Variants in CCSER1 observed in about 807,000 individuals in gnomAD.
CCSER1 encodes coiled-coil serine rich protein 1.
CCSER1 carries 41 observed loss-of-function variants against 82.0 expected under a neutral mutation model. The ratio of observed to expected loss-of-function variants is 0.50; its 90% CI spans 0.39 to 0.65. CCSER1 has a LOEUF of 0.65. Among genes scored for constraint, CCSER1 ranks in the 30% least tolerant of loss-of-function variants. The pLI is 0.00. For synonymous variants in CCSER1, 414 were observed against 383.9 expected (o/e 1.08, Z -0.92); for missense variants, 1,119 against 1,064.2 (o/e 1.05, Z -0.72).
intron 7 of CCSER1, among the ~76,000 whole-genome samples, chr4:90,731,318 G>A (rs1049799342): frequency 6.6e-6 from 1 of 152,070 alleles, no homozygotes; most frequent in African/African-American, 2.4e-5. Context: ...TATTTGTTTG[G>A]TTGGCTTAAT....
In CCSER1 at chr4:90,805,643, A is replaced by C. The variant is rs1186074531; in HGVS notation, c.2011-10119A>C. ...TTTATAGCTGTCTTTAATCTACCAC[A>C]CTGAGTTCCATATTTATGGATAATT... On this transcript the variant is annotated intron_variant, in intron 7 of 10. Coordinates refer to ENST00000509176, the MANE Select transcript of CCSER1 (RefSeq NM_001145065.2). 3.3e-5 allele frequency among the ~76,000 whole-genome samples: 5 copies of C among 152,178 alleles called. No homozygotes were observed. In the East Asian group the frequency reaches 9.6e-4, roughly 29 times the overall value.
chr4:90,939,598 CCA>C (rs1731357716), intron 9 of CCSER1, among the ~76,000 whole-genome samples: 1 of 151,978 alleles, frequency 6.6e-6, no homozygotes, highest in South Asian at 2.1e-4. Flanking sequence ...TGCCATAGAG[CCA>C]AGAAGAAGAA....
intron 1 of CCSER1, among the ~76,000 whole-genome samples, chr4:90,216,544 G>A (rs1578542964): frequency 6.6e-6 from 1 of 152,246 alleles, no homozygotes; most frequent in East Asian, 1.9e-4. Context: ...TTATAAAAGA[G>A]ATTTCCATTG....
chr4:91,101,295 G>A (rs976145629), intron 10 of CCSER1, among the ~76,000 whole-genome samples: 1 of 152,180 alleles, frequency 6.6e-6, no homozygotes, highest in Admixed American at 6.5e-5. Context: ...AATTTAAATT[G>A]TACCTGGTAG....
At chr4:90,657,567 G>GT (rs1184817986) in intron 6 of CCSER1, among the ~76,000 whole-genome samples, 1 of 151,576 alleles carries the variant, frequency 6.6e-6, no homozygotes, top group Non-Finnish European at 1.5e-5. Flanking sequence ...TATTTTTGTT[G>GT]TTTTTTGTTT....
intron 5 of CCSER1, among the ~76,000 whole-genome samples, chr4:90,608,257 G>A (rs1784994914): frequency 6.6e-6 from 1 of 152,118 alleles, no homozygotes; most frequent in Non-Finnish European, 1.5e-5. Context: ...AGGCCACGGT[G>A]TTATCTGAGG....
At chr4:90,978,795 T>G (rs1055154145) in intron 9 of CCSER1, among the ~76,000 whole-genome samples, 32 of 151,904 alleles carry the variant, frequency 2.1e-4, no homozygotes, top group African/African-American at 7.5e-4. Flanking sequence ...TGATGGGAAT[T>G]GTTTATGTGA....
chr4:90,550,284 T>C (rs547800852), intron 5 of CCSER1, among the ~76,000 whole-genome samples: 60 of 152,296 alleles, frequency 3.9e-4, no homozygotes, highest in African/African-American at 9.1e-4. Context: ...TGAAGCACAT[T>C]ATTTATTGAT....
intron 10 of CCSER1, among the ~76,000 whole-genome samples, chr4:91,197,980 T>C (rs1273411497): frequency 1.3e-5 from 2 of 152,174 alleles, no homozygotes; most frequent in Admixed American, 1.3e-4. Context: ...TGAATAATTC[T>C]TAAAAATGGA....
intron 1 of CCSER1, among the ~76,000 whole-genome samples, chr4:90,170,568 T>C (rs772920715): frequency 6.6e-6 from 1 of 151,828 alleles, no homozygotes; most frequent in Non-Finnish European, 1.5e-5. Context: ...CTACTCTCTA[T>C]CTTCATGAGT....
chr4:90,186,401 C>G (rs1734620718), intron 1 of CCSER1, among the ~76,000 whole-genome samples: 2 of 151,946 alleles, frequency 1.3e-5, no homozygotes, highest in Non-Finnish European at 2.9e-5. Context: ...TTTTTGAACC[C>G]TGCTCTTAGT....
At chr4:90,818,415 C>G (rs779487373) in intron 8 of CCSER1, among the ~76,000 whole-genome samples, 4 of 151,662 alleles carry the variant, frequency 2.6e-5, no homozygotes, top group Non-Finnish European at 5.9e-5. Context: ...GAAGCTGGGA[C>G]CACAGGCACA....
chr4:90,246,469 A>G (rs1223813157), intron 1 of CCSER1, among the ~76,000 whole-genome samples: 1 of 152,142 alleles, frequency 6.6e-6, no homozygotes, highest in Non-Finnish European at 1.5e-5. Context: ...TTAATTCTCA[A>G]CTAACAATGG....
At chr4:90,361,715 A>T (rs1188380898) in intron 3 of CCSER1, among the ~76,000 whole-genome samples, 3 of 152,120 alleles carry the variant, frequency 2.0e-5, no homozygotes, top group Non-Finnish European at 4.4e-5. Flanking sequence ...CATGTACCCA[A>T]TGTTTTGCTG....
chr4:91,223,705 C>T (rs1737930358), intron 10 of CCSER1, among the ~76,000 whole-genome samples: 1 of 151,972 alleles, frequency 6.6e-6, no homozygotes, highest in Non-Finnish European at 1.5e-5. Flanking sequence ...AGATTGGAGA[C>T]ACATAATGGA....
At chr4:91,544,111 G>C (rs1280192973) in intron 10 of CCSER1, among the ~76,000 whole-genome samples, 1 of 152,042 alleles carries the variant, frequency 6.6e-6, no homozygotes, top group African/African-American at 2.4e-5. Context: ...TGAAGCTTGT[G>C]CATGCGTCAT....
chr4:90,413,365 C>A (rs1755197433), intron 4 of CCSER1, among the ~76,000 whole-genome samples: 2 of 152,104 alleles, frequency 1.3e-5, no homozygotes, highest in African/African-American at 2.4e-5. Context: ...GTGAAAAAAA[C>A]CATACTGCTA....
chr4:90,793,128 A>G (rs1472019003), intron 7 of CCSER1, among the ~76,000 whole-genome samples: 1 of 152,220 alleles, frequency 6.6e-6, no homozygotes, highest in Non-Finnish European at 1.5e-5. Context: ...TCTACCAAGA[A>G]AGTAAGTTCA....
At chr4:91,474,887 T>A (rs1249215812) in intron 10 of CCSER1, among the ~76,000 whole-genome samples, 1 of 150,904 alleles carries the variant, frequency 6.6e-6, no homozygotes, top group Non-Finnish European at 1.5e-5. Flanking sequence ...ATAACATGAC[T>A]CAGTGTAAAA....
Sources: gnomAD v4.1 joint callset for allele counts (sites outside exome capture counted in the v4.1 genomes callset) on GRCh38, gnomAD v4.1.1 for gene constraint, MANE v1.5 for transcripts, NCBI Gene and HGNC (gene_info 2026-07-23, HGNC 2026-07-21) for gene names.